The following NFATC3 variants were observed in gnomAD, a reference collection of about 807,000 sequenced individuals.
NFATC3 encodes the protein nuclear factor of activated T cells 3.
Under a neutral mutation model 98.6 loss-of-function variants are expected in NFATC3, and 46 were observed. That is an observed-to-expected ratio of 0.47 (90% CI 0.37 to 0.60). The LOEUF is 0.60. Ranked by LOEUF, NFATC3 falls within the 20% of genes least tolerant of loss-of-function variation. NFATC3 has a pLI of 0.00. For synonymous variants in NFATC3, 512 were observed against 472.2 expected (o/e 1.08, Z -1.09); for missense variants, 1,256 against 1,295.5 (o/e 0.97, Z 0.47).
At chr16:68,087,766 C>T (rs540378325) in intron 1 of NFATC3, among the ~76,000 whole-genome samples, 1 of 152,266 alleles carries the variant, frequency 6.6e-6, no homozygotes, top group East Asian at 1.9e-4. Flanking sequence ...TCTATGGTAC[C>T]TCTTCTAGAT....
chr16:68,097,538 C>T (rs2035083265), intron 1 of NFATC3, among the ~76,000 whole-genome samples: 1 of 152,076 alleles, frequency 6.6e-6, no homozygotes, highest in Non-Finnish European at 1.5e-5. Context: ...GAAGTCACTG[C>T]AACAGAGTGT....
rs2042063697 is a variant in NFATC3 at position 68,227,732 on chromosome 16, C to T, written c.*1261C>T. On this transcript the variant is annotated 3_prime_UTR_variant, in exon 10 of 10. Coordinates refer to ENST00000346183, the MANE Select transcript of NFATC3 (RefSeq NM_173165.3). ...TGCTGCTGCTGGTGAGACTGGTGTC[C>T]AAGGCAGGGCCCAGCAGAAACTGCA... 6.6e-6 allele frequency: 1 copy of T among 151,674 alleles called. No homozygotes were observed. The highest frequency in any genetic ancestry group is 1.5e-5 in the Non-Finnish European group (1 of 67,958). 9.4% of individuals were successfully genotyped at this position (151,674 alleles called of 1,614,324 possible).
intron 4 of NFATC3, among the ~76,000 whole-genome samples, chr16:68,166,265 G>T (rs1487617590): frequency 6.6e-6 from 1 of 152,170 alleles, no homozygotes; most frequent in Non-Finnish European, 1.5e-5. Flanking sequence ...GAGCTCAACT[G>T]GTCCATTCAC....
intron 3 of NFATC3, among the ~76,000 whole-genome samples, chr16:68,137,662 G>A (rs185065727): frequency 7.1e-4 from 106 of 149,784 alleles, no homozygotes; most frequent in African/African-American, 2.2e-3. Flanking sequence ...CACCCAGGCC[G>A]GAGTGCAGTG....
intron 3 of NFATC3, among the ~76,000 whole-genome samples, chr16:68,136,264 C>CT (rs1281264231): frequency 1.3e-5 from 2 of 151,210 alleles, no homozygotes; most frequent in African/African-American, 4.9e-5. Context: ...CCAGAGTTTA[C>CT]TTTTTTTTTC....
intron 9 of NFATC3, chr16:68,221,767 C>G (rs2041873010): frequency 8.2e-6 from 2 of 244,760 alleles, no homozygotes; most frequent in South Asian, 3.0e-4. Flanking sequence ...GTTCCTTCAG[C>G]TAAGTAAGGT....
chr16:68,182,589 C>T (rs1000752985), intron 7 of NFATC3, among the ~76,000 whole-genome samples: 4 of 111,592 alleles, frequency 3.6e-5, no homozygotes, highest in African/African-American at 1.0e-4. Flanking sequence ...GGTGTAGTCT[C>T]GGCTCACTGC....
intron 9 of NFATC3, among the ~76,000 whole-genome samples, chr16:68,208,559 GTC>G (rs1232484744): frequency 6.6e-6 from 1 of 151,958 alleles, no homozygotes; most frequent in Non-Finnish European, 1.5e-5. Flanking sequence ...GGGAAACTCT[GTC>G]TCTACTAAAA....
At chr16:68,165,985 A>C (rs1286476802) in intron 4 of NFATC3, among the ~76,000 whole-genome samples, 1 of 152,262 alleles carries the variant, frequency 6.6e-6, no homozygotes, top group Non-Finnish European at 1.5e-5. Context: ...GCAGATGATG[A>C]AATGTTATAC....
intron 7 of NFATC3, 29 bp downstream of exon 7, chr16:68,181,559 A>G: frequency 6.9e-7 from 1 of 1,454,380 alleles, no homozygotes; most frequent in Non-Finnish European, 9.7e-7. Flanking sequence ...TTCTTAAGAA[A>G]TATTTAAGAC....
intron 3 of NFATC3, among the ~76,000 whole-genome samples, chr16:68,135,548 GA>G (rs1387936191): frequency 1.3e-5 from 2 of 149,096 alleles, no homozygotes; most frequent in Admixed American, 6.7e-5. Context: ...AGTCTTTAAT[GA>G]ATATTTAATC....
Position 68,174,521 on chromosome 16 carries a change from AAT to A in NFATC3, c.1915+12_1915+13del. On this transcript the variant is annotated splice_region_variant and intron_variant, in intron 6 of 9. Coordinates refer to ENST00000346183, the MANE Select transcript of NFATC3 (RefSeq NM_173165.3). The stretch of plus-strand genomic sequence containing the variant: ...TTTCTTGAAAAAGGACAAGGTAAGT[AAT>A]ATATGAGTTGATTGACTTCAAACTA... The A allele has an allele frequency of 6.3e-7, 1 of 1,582,182 alleles. No individual in the cohort carries two copies.
chr16:68,121,228 A>ATTTCTTTTCT, intron 1 of NFATC3, among the ~76,000 whole-genome samples: 1 of 121,484 alleles, frequency 8.2e-6, no homozygotes. Context: ...GGAATATCTC[A>ATTTCTTTTCT]TTTCTTTTCT....
At chr16:68,107,553 T>C (rs2035727121) in intron 1 of NFATC3, among the ~76,000 whole-genome samples, 1 of 152,026 alleles carries the variant, frequency 6.6e-6, no homozygotes, top group Non-Finnish European at 1.5e-5. Flanking sequence ...TGAAACGTCA[T>C]CTCTACTAAA....
At chr16:68,167,692 C>T (rs1318514247) in intron 5 of NFATC3, among the ~76,000 whole-genome samples, 2 of 151,694 alleles carry the variant, frequency 1.3e-5, no homozygotes, top group Non-Finnish European at 2.9e-5. Flanking sequence ...GCACAAGTAT[C>T]TCTAGTACTC....
At chr16:68,218,075 T>G in intron 9 of NFATC3, 1 of 1,002,162 alleles carries the variant, frequency 1.0e-6, no homozygotes, top group Non-Finnish European at 1.2e-6. Flanking sequence ...TTTGTTTTAT[T>G]TGGAGACAGG....
In NFATC3 at chr16:68,190,802, T is replaced by G. The variant is rs771973412; in HGVS notation, c.2133T>G (p.Asp711Glu). 60 of 1,610,608 alleles carry G rather than the reference T, an allele frequency of 3.7e-5. No homozygotes were observed. The highest frequency in any genetic ancestry group is 4.7e-5 in the Non-Finnish European group (55 of 1,177,606). ...AGCAAGAACACAGAGAAGAGATTGA[T>G]TTGTCTTCAGTTCCATCTTTGCCTG... ...LMKQEHREEI[D>E]LSSVPSLPVP... Residue 711 changes from aspartate to glutamate, a missense_variant, in exon 9 of 10, where the codon GAT becomes GAG. Coordinates refer to ENST00000346183, the MANE Select transcript of NFATC3 (RefSeq NM_173165.3).
chr16:68,221,386 G>A (rs890170930), intron 9 of NFATC3: 16 of 1,517,718 alleles, frequency 1.1e-5, no homozygotes, highest in Non-Finnish European at 1.4e-5. Flanking sequence ...ATTGCTAAAG[G>A]TCTGTGAAAG....
intron 1 of NFATC3, among the ~76,000 whole-genome samples, chr16:68,110,560 C>T (rs189311157): frequency 3.9e-4 from 59 of 150,666 alleles, no homozygotes; most frequent in Admixed American, 3.3e-3. Flanking sequence ...GTGATCTGCC[C>T]GCCTCAGCCT....
Sources: allele counts gnomAD v4.1 joint callset (sites outside exome capture counted in the v4.1 genomes callset), GRCh38; gene constraint gnomAD v4.1.1; transcripts MANE v1.5; gene names NCBI Gene and HGNC (gene_info 2026-07-23, HGNC 2026-07-21).